Variants in CDADC1 observed in about 807,000 individuals in gnomAD.
CDADC1 encodes the protein cytidine and dCMP deaminase domain containing 1.
In CDADC1, 39 loss-of-function variants were observed where a neutral mutation model predicts 54.9. The observed-to-expected ratio is 0.71, with a 90% CI of 0.55 to 0.93. CDADC1 has a LOEUF of 0.93. Among genes scored for constraint, CDADC1 ranks in the 40% least tolerant of loss-of-function variants. The pLI is 0.00. For synonymous variants in CDADC1, 186 were observed against 204.0 expected, an observed-to-expected ratio of 0.91 and a Z score of 0.75; for missense variants, 518 against 618.8, an observed-to-expected ratio of 0.84 and a Z score of 1.73.
At chr13:49,259,849 GA>G (rs58496922) in intron 4 of CDADC1, among the ~76,000 whole-genome samples, 1 of 149,916 alleles carries the variant, frequency 6.7e-6, no homozygotes, top group African/African-American at 2.5e-5. Context: ...CTTGTCTCCA[GA>G]AAAAAAAAAA....
At position 49,292,808 on chromosome 13, in the gene CDADC1, G is replaced by A; in HGVS notation, c.*1051G>A. The A allele has an allele frequency of 7.8e-7, 1 of 1,279,862 alleles. No homozygotes were observed. Among genetic ancestry groups the A allele is most frequent in the South Asian group, 1.3e-5 (1 of 79,392 alleles). 79.3% of individuals were successfully genotyped at this position (1,279,862 alleles called of 1,614,324 possible). Reference sequence around the variant, plus strand: ...AGAGGGGTGGCCTGGGGTGCTTCATGAGAAATGTCTTCCTGGATCTGCGGT... The same window carrying A: ...AGAGGGGTGGCCTGGGGTGCTTCATAAGAAATGTCTTCCTGGATCTGCGGT... On this transcript the variant is annotated 3_prime_UTR_variant, in exon 10 of 10. Coordinates refer to ENST00000251108, the MANE Select transcript of CDADC1 (RefSeq NM_030911.4).
intron 5 of CDADC1, among the ~76,000 whole-genome samples, chr13:49,271,027 C>T (rs1021795165): frequency 6.6e-6 from 1 of 152,108 alleles, no homozygotes; most frequent in African/African-American, 2.4e-5. Flanking sequence ...ATTCCAAAAC[C>T]TCTAACAACA....
chr13:49,278,566 T>C, intron 7 of CDADC1, 47 bp downstream of exon 7: 1 of 1,248,906 alleles, frequency 8.0e-7, no homozygotes, highest in Non-Finnish European at 1.1e-6. Context: ...GTAGCAAGGG[T>C]TGGTTGAAAT....
chr13:49,264,555 CA>C lies in CDADC1; in HGVS notation c.431-2916del, dbSNP rs140774111. Among the ~76,000 whole-genome samples, 200 of 103,832 alleles carry C rather than the reference CA, an allele frequency of 1.9e-3. 1 individual carries two copies. Among genetic ancestry groups the C allele is most frequent in the African/African-American group, 7.1e-3 (184 of 26,004 alleles). The allele number at this position is 103,832 out of a possible 152,430, so 68.1% of individuals were successfully genotyped here. ...CAACATAGCGAGACCCCATCTCTACCAAAAAAAAAAAAAAAAAAAGAGCTGG... is the reference window on the plus strand; with the variant it reads ...CAACATAGCGAGACCCCATCTCTACCAAAAAAAAAAAAAAAAAAGAGCTGG... On this transcript the variant is annotated intron_variant, in intron 4 of 9. Coordinates refer to ENST00000251108, the MANE Select transcript of CDADC1 (RefSeq NM_030911.4).
At chr13:49,285,413 G>C (rs1201089962) in intron 8 of CDADC1, among the ~76,000 whole-genome samples, 1 of 151,952 alleles carries the variant, frequency 6.6e-6, no homozygotes. Flanking sequence ...CTGACCTCGT[G>C]ATCCACCCAC....
rs1322417087 is a variant in CDADC1, at chr13:49,291,951, C to T, written c.*194C>T. On this transcript the variant is annotated 3_prime_UTR_variant, in exon 10 of 10. Transcript: ENST00000251108. ...CTTTTAGATTTATGTGTGGGTTTTC[C>T]ATAATGTAGTAGTGTGTTATTTTAT... 1 of 1,360,030 alleles carries T rather than the reference C, an allele frequency of 7.4e-7. No homozygotes were observed. Among genetic ancestry groups the T allele is most frequent in the Non-Finnish European group, 9.5e-7 (1 of 1,055,266 alleles). 84.2% of individuals were successfully genotyped at this position (1,360,030 alleles called of 1,614,324 possible). A position where few individuals can be genotyped will look rare whatever the true frequency, so the allele number is the denominator to read the frequency against.
At chr13:49,257,442 A>G (rs901265190) in intron 3 of CDADC1, among the ~76,000 whole-genome samples, 2 of 152,160 alleles carry the variant, frequency 1.3e-5, no homozygotes, top group African/African-American at 4.8e-5. Flanking sequence ...CTCTGTCAAG[A>G]TCTTTTGATG....
chr13:49,260,033 G>T (rs1952639078), intron 4 of CDADC1, among the ~76,000 whole-genome samples: 1 of 152,132 alleles, frequency 6.6e-6, no homozygotes, highest in African/African-American at 2.4e-5. Context: ...GTTCAAGGCT[G>T]TAGTGAGCTA....
In CDADC1 at chr13:49,292,884, G is replaced by A. The variant is rs1953752024; in HGVS notation, c.*1127G>A. On this transcript the variant is annotated 3_prime_UTR_variant, in exon 10 of 10. Coordinates refer to ENST00000251108, the MANE Select transcript of CDADC1 (RefSeq NM_030911.4). ...CCCTGCCTTTCCGCCACATCACACG[G>A]CCTCACTGGGCTTCCTACCAGTTTC... 5.0e-6 allele frequency: 4 copies of A among 793,578 alleles called. No homozygotes were observed. Among genetic ancestry groups the A allele is most frequent in the Non-Finnish European group, 5.3e-6 (3 of 569,594 alleles). The allele number at this position is 793,578 out of a possible 1,614,324, so 49.2% of individuals were successfully genotyped here.
intron 3 of CDADC1, among the ~76,000 whole-genome samples, chr13:49,257,243 C>G (rs1952566880): frequency 6.6e-6 from 1 of 152,126 alleles, no homozygotes; most frequent in Non-Finnish European, 1.5e-5. Flanking sequence ...GATAAATAAA[C>G]TCGACCCAAA....
intron 8 of CDADC1, among the ~76,000 whole-genome samples, chr13:49,281,919 AC>A (rs371274966): frequency 0.036 from 2,716 of 75,636 alleles, 59 homozygotes; most frequent in East Asian, 0.26. Flanking sequence ...TGCTACCCCC[AC>A]CCCCCTCCCC....
intron 2 of CDADC1, among the ~76,000 whole-genome samples, chr13:49,252,377 G>T (rs767698775): frequency 6.6e-6 from 1 of 152,110 alleles, no homozygotes; most frequent in Non-Finnish European, 1.5e-5. Context: ...TGTTAACTTG[G>T]GAACTTGACT....
In CDADC1 at chr13:49,275,158, T is replaced by C. The variant is rs530758092; in HGVS notation, c.1050+818T>C. On this transcript the variant is annotated intron_variant, in intron 6 of 9. Coordinates refer to ENST00000251108, the MANE Select transcript of CDADC1 (RefSeq NM_030911.4). ...TGGAGTGCAGTGGTGCAATCTTGGC[T>C]CACTGCAACCTCTGCCTCCTGGATT... Among the ~76,000 whole-genome samples the C allele has an allele frequency of 6.6e-5, 10 of 150,994 alleles. 1 individual carries two copies. The South Asian group carries it at 2.1e-3, about 32-fold the overall frequency.
intron 5 of CDADC1, among the ~76,000 whole-genome samples, chr13:49,268,455 G>A (rs1952879256): frequency 6.6e-6 from 1 of 152,150 alleles, no homozygotes; most frequent in Admixed American, 6.5e-5. Flanking sequence ...GAGCTCAGGA[G>A]TTCAAGACCA....
At chr13:49,263,344 G>A (rs1354542862) in intron 4 of CDADC1, among the ~76,000 whole-genome samples, 1 of 152,166 alleles carries the variant, frequency 6.6e-6, no homozygotes, top group African/African-American at 2.4e-5. Context: ...TGATGGGATT[G>A]GTGGTGATAT....
intron 6 of CDADC1, 109 bp downstream of exon 6, chr13:49,274,449 G>A (rs1300720631): frequency 4.1e-6 from 3 of 734,686 alleles, no homozygotes; most frequent in Non-Finnish European, 6.9e-6. Flanking sequence ...AGATCACAAG[G>A]TCAGGAGATT....
At chr13:49,282,080 A>G (rs999407069) in intron 8 of CDADC1, among the ~76,000 whole-genome samples, 14 of 152,198 alleles carry the variant, frequency 9.2e-5, no homozygotes, top group Admixed American at 9.2e-4. Context: ...GGCCACCCAA[A>G]GTGCTGGGAT....
chr13:49,263,879 CAA>C (rs1235961774), intron 4 of CDADC1, among the ~76,000 whole-genome samples: 1 of 152,196 alleles, frequency 6.6e-6, no homozygotes, highest in Middle Eastern at 3.2e-3. Flanking sequence ...TATCTAATGA[CAA>C]GAGCGAAGAC....
At chr13:49,256,131 T>TA (rs373112906) in intron 3 of CDADC1, among the ~76,000 whole-genome samples, 1,721 of 145,224 alleles carry the variant, frequency 0.012, 19 homozygotes, top group African/African-American at 0.036. Flanking sequence ...CATCTTGCTT[T>TA]AAAAAAAAAA....
Sources: allele counts gnomAD v4.1 joint callset (sites outside exome capture counted in the v4.1 genomes callset), GRCh38; gene constraint gnomAD v4.1.1; transcripts MANE v1.5; gene names NCBI Gene and HGNC (gene_info 2026-07-23, HGNC 2026-07-21).